Variants in ANKS1B observed in about 807,000 individuals in gnomAD.
The protein encoded by ANKS1B is ankyrin repeat and sterile alpha motif domain containing 1B, also known as ankyrin repeat and sterile alpha motif domain-containing protein 1B.
In ANKS1B, 36 loss-of-function variants were observed where a neutral mutation model predicts 148.3. The observed-to-expected ratio is 0.24, with a 90% CI of 0.19 to 0.32. The LOEUF (loss-of-function observed/expected upper bound fraction) is 0.32, where lower values mean the gene tolerates loss of function less well. Among genes scored for constraint, ANKS1B ranks in the 10% least tolerant of loss-of-function variants. The pLI is 1.00. For missense variants in ANKS1B, 1,157 were observed against 1,542.6 expected, an observed-to-expected ratio of 0.75 and a Z score of 4.19; for synonymous variants, 542 against 560.8, an observed-to-expected ratio of 0.97 and a Z score of 0.47.
At position 99,354,219 on chromosome 12, in the gene ANKS1B, C is replaced by T. The variant is rs117110282; in HGVS notation, c.1756+45412G>A. ...ACTGGGGTCTGAAATGAACCAATGA[C>T]CCTTTTTCTGTTCATTAGAGACAAC... is the stretch of plus-strand genomic sequence containing the variant. On this transcript the variant is annotated intron_variant, in intron 12 of 26. Transcript: ENST00000683438. 4.7e-4 allele frequency among the ~76,000 whole-genome samples: 72 copies of T among 152,098 alleles called. No homozygotes were observed. In the East Asian group the frequency reaches 0.013, roughly 28 times the overall value.
chr12:99,733,846 T>C (rs2059385640), intron 8 of ANKS1B, among the ~76,000 whole-genome samples: 1 of 152,232 alleles, frequency 6.6e-6, no homozygotes, highest in African/African-American at 2.4e-5. Flanking sequence ...CCCATCTTCA[T>C]ACCTGTATCT....
At chr12:99,094,417 C>T (rs2055186443) in intron 15 of ANKS1B, among the ~76,000 whole-genome samples, 1 of 152,032 alleles carries the variant, frequency 6.6e-6, no homozygotes, top group South Asian at 2.1e-4. Flanking sequence ...CACAGAAAAG[C>T]TGATAATTAG....
intron 1 of ANKS1B, among the ~76,000 whole-genome samples, chr12:99,896,592 C>T (rs935270723): frequency 6.6e-6 from 1 of 151,132 alleles, no homozygotes; most frequent in African/African-American, 2.4e-5. Flanking sequence ...ATCTCTGGTG[C>T]AAATTCCAAA....
At chr12:98,975,036 TTTCC>T (rs1253957870) in intron 17 of ANKS1B, among the ~76,000 whole-genome samples, 3 of 117,896 alleles carry the variant, frequency 2.5e-5, no homozygotes, top group East Asian at 3.1e-4. Flanking sequence ...CTTCCTTCCT[TTTCC>T]TTCCTTCCTT....
chr12:98,913,173 G>T (rs1596762906), intron 17 of ANKS1B, among the ~76,000 whole-genome samples: 2 of 152,020 alleles, frequency 1.3e-5, no homozygotes, highest in South Asian at 2.1e-4. Context: ...TGTACTTAGG[G>T]TCTCCAATTT....
chr12:99,567,800 C>T (rs2097412129), intron 9 of ANKS1B, among the ~76,000 whole-genome samples: 1 of 152,144 alleles, frequency 6.6e-6, no homozygotes, highest in African/African-American at 2.4e-5. Flanking sequence ...AAGACCATAA[C>T]TGCTCTTACC....
At chr12:99,529,023 G>T (rs1291276579) in intron 9 of ANKS1B, among the ~76,000 whole-genome samples, 2 of 152,162 alleles carry the variant, frequency 1.3e-5, no homozygotes, top group African/African-American at 4.8e-5. Context: ...AAATACAAAT[G>T]AGCTTTGATT....
intron 12 of ANKS1B, among the ~76,000 whole-genome samples, chr12:99,391,541 AC>A (rs1285119563): frequency 6.6e-6 from 1 of 151,942 alleles, no homozygotes; most frequent in Non-Finnish European, 1.5e-5. Context: ...GAGATCAGTC[AC>A]CCCCTTGAGA....
At chr12:99,197,751 AT>A (rs1162092044) in intron 14 of ANKS1B, among the ~76,000 whole-genome samples, 1 of 152,076 alleles carries the variant, frequency 6.6e-6, no homozygotes, top group African/African-American at 2.4e-5. Context: ...AAGGAAATGG[AT>A]TTTTTTTGAA....
intron 9 of ANKS1B, among the ~76,000 whole-genome samples, chr12:99,552,253 G>C (rs2097227257): frequency 6.6e-6 from 1 of 152,160 alleles, no homozygotes; most frequent in East Asian, 1.9e-4. Flanking sequence ...AAGATTACGA[G>C]TTCCAAGAAA....
intron 12 of ANKS1B, among the ~76,000 whole-genome samples, chr12:99,305,349 A>T (rs1389301690): frequency 1.3e-5 from 2 of 152,154 alleles, no homozygotes; most frequent in African/African-American, 4.8e-5. Context: ...ATCAATTTAA[A>T]TAAAATTACA....
intron 12 of ANKS1B, among the ~76,000 whole-genome samples, chr12:99,323,296 G>C (rs934361818): frequency 6.6e-6 from 1 of 152,134 alleles, no homozygotes; most frequent in Admixed American, 6.5e-5. Flanking sequence ...GGAGTTCCTT[G>C]AGTGAAAAAT....
chr12:99,557,180 G>T (rs2097286249), intron 9 of ANKS1B, among the ~76,000 whole-genome samples: 1 of 152,066 alleles, frequency 6.6e-6, no homozygotes, highest in Admixed American at 6.6e-5. Flanking sequence ...ATCTCACAGG[G>T]TTTCTCTGCA....
intron 9 of ANKS1B, among the ~76,000 whole-genome samples, chr12:99,510,166 G>T (rs531771290): frequency 2.0e-5 from 3 of 152,138 alleles, no homozygotes; most frequent in African/African-American, 7.2e-5. Context: ...TGATAGAGCT[G>T]TACGAAGAGA....
At chr12:98,856,505 T>C (rs1363991534) in intron 17 of ANKS1B, among the ~76,000 whole-genome samples, 1 of 152,220 alleles carries the variant, frequency 6.6e-6, no homozygotes, top group Non-Finnish European at 1.5e-5. Flanking sequence ...ATGTGTTGAT[T>C]ATATGCATGA....
intron 2 of ANKS1B, among the ~76,000 whole-genome samples, chr12:99,821,346 A>G (rs1404666530): frequency 6.6e-6 from 1 of 152,056 alleles, no homozygotes; most frequent in Non-Finnish European, 1.5e-5. Context: ...GCACAGACAT[A>G]TAATTCCCAC....
At chr12:99,594,273 T>G (rs1205720808) in intron 9 of ANKS1B, among the ~76,000 whole-genome samples, 1 of 152,116 alleles carries the variant, frequency 6.6e-6, no homozygotes, top group African/African-American at 2.4e-5. Flanking sequence ...TGCAAATTTA[T>G]GCAGTCATTA....
chr12:99,134,590 CTT>C (rs1463051295), intron 15 of ANKS1B, among the ~76,000 whole-genome samples: 18 of 151,496 alleles, frequency 1.2e-4, no homozygotes, highest in African/African-American at 4.1e-4. Context: ...CCCAATCTCT[CTT>C]TCTCTCTCTG....
At chr12:98,790,646 T>C (rs1202613609) in intron 22 of ANKS1B, among the ~76,000 whole-genome samples, 1 of 151,556 alleles carries the variant, frequency 6.6e-6, no homozygotes, top group Non-Finnish European at 1.5e-5. Context: ...ATTCTGAGGA[T>C]AGATGCTTTC....
Sources: allele counts gnomAD v4.1 joint callset (sites outside exome capture counted in the v4.1 genomes callset), GRCh38; gene constraint gnomAD v4.1.1; transcripts MANE v1.5; gene names NCBI Gene and HGNC (gene_info 2026-07-23, HGNC 2026-07-21).